SP6: variants seen among roughly 807,000 people sequenced by gnomAD.
SP6 encodes the protein Sp6 transcription factor, also known as transcription factor Sp6.
Under a neutral mutation model 23.4 loss-of-function variants are expected in SP6, and 10 were observed. The ratio of observed to expected loss-of-function variants is 0.43; its 90% CI spans 0.26 to 0.72. SP6 has a LOEUF of 0.72. Ranked by LOEUF, SP6 falls within the 30% of genes least tolerant of loss-of-function variation. SP6 has a pLI of 0.23. For synonymous variants in SP6, 238 were observed against 238.7 expected (o/e 1.00, Z 0.03); for missense variants, 482 against 523.8 (o/e 0.92, Z 0.78).
upstream of SP6, among the ~76,000 whole-genome samples, chr17:47,854,714 A>C (rs1191681128): frequency 2.6e-5 from 4 of 152,240 alleles, no homozygotes; most frequent in East Asian, 7.7e-4. Context: ...GAGAATATCA[A>C]AGCTGGTCTA....
the SP6 span, among the ~76,000 whole-genome samples, chr17:47,863,618 G>A: frequency 1.9e-4 from 27 of 143,718 alleles, no homozygotes; most frequent in African/African-American, 6.2e-4. Context: ...GCCCAGGCTG[G>A]AGTGCAATGG....
chr17:47,861,006 G>C, the SP6 span, among the ~76,000 whole-genome samples: 1 of 152,252 alleles, frequency 6.6e-6, no homozygotes, highest in Non-Finnish European at 1.5e-5. Flanking sequence ...AATTAGAGAG[G>C]AGGCTGGGTA....
chr17:47,870,605 C>G, the SP6 span, among the ~76,000 whole-genome samples: 1 of 152,094 alleles, frequency 6.6e-6, no homozygotes, highest in African/African-American at 2.4e-5. Context: ...AGGGAGAGAT[C>G]AGATCAGTTT....
chr17:47,858,767 C>CTTTTTTTTTTTTTTTTTTT (rs36092685), upstream of SP6, among the ~76,000 whole-genome samples: 18 of 92,648 alleles, frequency 1.9e-4, 7 homozygotes, highest in South Asian at 3.8e-4. Flanking sequence ...GATGAAGCAT[C>CTTTTTTTTTTTTTTTTTTT]TTTTTTTTTT....
chr17:47,845,096 T>C lies in SP6; in HGVS notation c.*2203A>G, dbSNP rs944921860. 5 of 152,282 alleles carry C rather than the reference T, an allele frequency of 3.3e-5. No individual in the cohort carries two copies. In the East Asian group the frequency reaches 9.7e-4, roughly 29 times the overall value. 9.4% of individuals were successfully genotyped at this position (152,282 alleles called of 1,614,324 possible). ...TAAAAGAGGGGAGCAGAAGAAAACC[T>C]ATCCAAAGCCTCTACCCGCATACCT... is the stretch of plus-strand genomic sequence containing the variant. On this transcript the variant is annotated 3_prime_UTR_variant, in exon 2 of 2. Transcript: ENST00000536300.
chr17:47,847,247 G>C lies in SP6; in HGVS notation c.*52C>G, dbSNP rs1182915957. On this transcript the variant is annotated 3_prime_UTR_variant, in exon 2 of 2. Transcript: ENST00000536300. Reference sequence around the variant, plus strand: ...ACCCCCAAGGACGTCAGACCTGGGGGCTCGCATCCAGTGCCCCCCGGGATA... The same window carrying C: ...ACCCCCAAGGACGTCAGACCTGGGGCCTCGCATCCAGTGCCCCCCGGGATA... 1.0e-5 allele frequency: 15 copies of C among 1,449,294 alleles called. No homozygotes were observed. Among genetic ancestry groups the C allele is most frequent in the Non-Finnish European group, 1.4e-5 (15 of 1,098,668 alleles). 89.8% of individuals were successfully genotyped at this position (1,449,294 alleles called of 1,614,324 possible).
upstream of SP6, among the ~76,000 whole-genome samples, chr17:47,853,319 C>G (rs2033975639): frequency 6.6e-6 from 1 of 152,198 alleles, no homozygotes; most frequent in African/African-American, 2.4e-5. Context: ...AGCTTTGTCT[C>G]CATCCATTCA....
the SP6 span, among the ~76,000 whole-genome samples, chr17:47,861,969 C>A: frequency 6.8e-6 from 1 of 147,366 alleles, no homozygotes; most frequent in Non-Finnish European, 1.5e-5. Context: ...CACCTGAGCC[C>A]AGGAGGTCAA....
chr17:47,847,671 CA>C lies in SP6; in HGVS notation c.758del (p.Leu253CysfsTer19), dbSNP rs769855419. On this transcript the variant is annotated frameshift_variant, in exon 2 of 2. Transcript: ENST00000536300. LOFTEE classifies it high-confidence loss of function. ...CGCAGCCCGGGATGTGGCAGTTGTGCAAATGCTTCTTCTTGCCCCCATCGGG... is the reference window on the plus strand; with the variant it reads ...CGCAGCCCGGGATGTGGCAGTTGTGCAATGCTTCTTCTTGCCCCCATCGGG... Reference protein sequence around the residue: ...CGPDGGKKKHLHNCHIPGCGK... With the variant: ...CGPDGGKKKHXHNCHIPGCGK... The C allele has an allele frequency of 6.2e-7, 1 of 1,611,962 alleles. No homozygotes were observed.
At chr17:47,855,539 C>T (rs2033992063), upstream of SP6, 1 of 152,272 alleles carries the variant, frequency 6.6e-6, no homozygotes, top group Non-Finnish European at 1.5e-5. Context: ...CCTCTTATCT[C>T]CCCCTTCCCA....
rs1225865190 is a variant in SP6 at position 47,846,838 on chromosome 17, G to A, written c.*461C>T. On this transcript the variant is annotated 3_prime_UTR_variant, in exon 2 of 2. Coordinates refer to ENST00000536300, the MANE Select transcript of SP6 (RefSeq NM_001258248.2). ...CAGAAGCACTTTAAGTGGGATGAAAGGGACCCCGCCGCAGGGCGGCTCCGG... is the reference window on the plus strand; with the variant it reads ...CAGAAGCACTTTAAGTGGGATGAAAAGGACCCCGCCGCAGGGCGGCTCCGG... 6.3e-6 allele frequency: 1 copy of A among 157,626 alleles called. No individual in the cohort carries two copies. The highest frequency in any genetic ancestry group is 2.4e-5 in the African/African-American group (1 of 41,682). 9.8% of individuals were successfully genotyped at this position (157,626 alleles called of 1,614,324 possible). A position where few individuals can be genotyped will look rare whatever the true frequency, so the allele number is the denominator to read the frequency against.
upstream of SP6, among the ~76,000 whole-genome samples, chr17:47,859,591 C>A (rs1189962915): frequency 6.6e-6 from 1 of 152,218 alleles, no homozygotes; most frequent in Non-Finnish European, 1.5e-5. Context: ...AGAGAAAGGG[C>A]TCCCCAGAAT....
In SP6 at chr17:47,848,233, C is replaced by A. The variant is rs1157257740; in HGVS notation, c.197G>T (p.Gly66Val). The A allele has an allele frequency of 6.2e-7, 1 of 1,612,020 alleles. No individual in the cohort carries two copies. Among genetic ancestry groups the A allele is most frequent in the Non-Finnish European group, 8.5e-7 (1 of 1,179,190 alleles). The change falls in exon 2 of 2, where the codon GGC becomes GTC. Residue 66 changes from glycine (G) to valine (V), a missense_variant. By Grantham distance (109) the Gly-to-Val change is moderately radical. This residue lies in a region of SP6 where 330 missense variants were observed against 332.3 expected (regional missense o/e 0.99). Coordinates refer to ENST00000536300, the MANE Select transcript of SP6 (RefSeq NM_001258248.2). The surrounding 1 kb of genome is among the most constrained non-coding windows in gnomAD (Gnocchi z 5.3). ...CGAGGAGGCCCCTGGCAGCTCATAG[C>A]CCTGCGAGAAGTCCACCTCCGGGCC... ...PLGPEVDFSQGYELPGASSRV... is the reference protein window; with the variant it reads ...PLGPEVDFSQVYELPGASSRV...
intron 1 of SP6, among the ~76,000 whole-genome samples, chr17:47,850,429 TTAGGTGGCAACCCTTAGGTTGCCTC>T (rs2033942169): frequency 6.6e-6 from 1 of 152,140 alleles, no homozygotes; most frequent in Non-Finnish European, 1.5e-5. Flanking sequence ...GGAGCCACCC[TTAGGTGGCAACCCTTAGGTTGCCTC>T]TATGGTCCTT....
upstream of SP6, among the ~76,000 whole-genome samples, chr17:47,859,741 A>G (rs2034022220): frequency 6.6e-6 from 1 of 152,170 alleles, no homozygotes; most frequent in Admixed American, 6.5e-5. Context: ...TGGTTGTGTG[A>G]TGGAAGTGGA....
At chr17:47,857,771 G>A (rs1253527381), upstream of SP6, among the ~76,000 whole-genome samples, 1 of 152,196 alleles carries the variant, frequency 6.6e-6, no homozygotes, top group African/African-American at 2.4e-5. Flanking sequence ...CTTGGAGTGG[G>A]GGGCGGGACT....
exon 1 of SP6, chr17:47,851,162 CTGCCTTCAT>C (rs2033952416): frequency 6.6e-6 from 1 of 152,388 alleles, no homozygotes; most frequent in African/African-American, 2.4e-5. Context: ...CCCGCGCTCT[CTGCCTTCAT>C]CCTCTCCCCA....
chr17:47,865,381 C>T, the SP6 span, among the ~76,000 whole-genome samples: 1 of 152,070 alleles, frequency 6.6e-6, no homozygotes, highest in Non-Finnish European at 1.5e-5. Flanking sequence ...CCTTGTCAAC[C>T]TCCCCGACTG....
In SP6 at chr17:47,848,745, A is replaced by G. The variant is rs1246458187; in HGVS notation, c.-57-259T>C. On this transcript the variant is annotated intron_variant, in intron 1 of 1. Transcript: ENST00000536300. This position sits in a 1 kb window ranked among gnomAD's most constrained non-coding sequence, Gnocchi z 5.3. ...CCCAGCTCATCCCTAGAGTTGGGCC[A>G]CTCCCAGGATGGTAGGTCAGATACA... Among the ~76,000 whole-genome samples, 2 of 151,836 alleles carry G rather than the reference A, an allele frequency of 1.3e-5. No homozygotes were observed. Among genetic ancestry groups the G allele is most frequent in the Non-Finnish European group, 2.9e-5 (2 of 67,946 alleles).
Sources: gnomAD v4.1 joint callset for allele counts (sites outside exome capture counted in the v4.1 genomes callset) on GRCh38, gnomAD v4.1.1 for gene constraint, gnomAD v4.1.1 regional missense constraint, Gnocchi (gnomAD v3.1) non-coding constraint, MANE v1.5 for transcripts, NCBI Gene and HGNC (gene_info 2026-07-23, HGNC 2026-07-21) for gene names.